The following ECT2L variants were observed in gnomAD, a reference collection of about 807,000 sequenced individuals.
ECT2L encodes the protein epithelial cell-transforming sequence 2 oncogene-like.
ECT2L carries 126 observed loss-of-function variants against 122.8 expected under a neutral mutation model. That is an observed-to-expected ratio of 1.03 (90% CI 0.89 to 1.19). ECT2L has a LOEUF of 1.19. ECT2L is among the 50% of genes most tolerant of loss of function. The pLI is 0.00. For synonymous variants in ECT2L, 385 were observed against 381.8 expected, an observed-to-expected ratio of 1.01 and a Z score of -0.10; for missense variants, 1,012 against 1,064.1, an observed-to-expected ratio of 0.95 and a Z score of 0.68.
At chr6:138,872,024 G>C (rs1778274234) in intron 13 of ECT2L, among the ~76,000 whole-genome samples, 1 of 151,536 alleles carries the variant, frequency 6.6e-6, no homozygotes, top group Non-Finnish European at 1.5e-5. Context: ...CCCCATGCTG[G>C]GGTACAGTGG....
At chr6:138,874,845 T>C (rs1226186329) in intron 13 of ECT2L, among the ~76,000 whole-genome samples, 2 of 152,066 alleles carry the variant, frequency 1.3e-5, no homozygotes, top group African/African-American at 4.8e-5. Context: ...TGTAATCCCA[T>C]CACTTTGGGA....
chr6:138,888,907 T>C, intron 19 of ECT2L, 36 bp from the exon 20 acceptor site: 1 of 1,170,078 alleles, frequency 8.5e-7, no homozygotes, highest in Non-Finnish European at 1.1e-6. Context: ...TTAAAAAAAT[T>C]TATATGTACT....
At chr6:138,858,516 A>C (rs1337806095) in intron 10 of ECT2L, among the ~76,000 whole-genome samples, 1 of 152,122 alleles carries the variant, frequency 6.6e-6, no homozygotes, top group Non-Finnish European at 1.5e-5. Flanking sequence ...CTAAATTCTG[A>C]CATATGTAGG....
At chr6:138,827,546 C>A (rs915466769) in intron 4 of ECT2L, among the ~76,000 whole-genome samples, 1 of 150,740 alleles carries the variant, frequency 6.6e-6, no homozygotes, top group African/African-American at 2.4e-5. Context: ...CCTTTATACC[C>A]TGGGTTATTA....
intron 10 of ECT2L, among the ~76,000 whole-genome samples, chr6:138,861,875 A>G (rs903247082): frequency 1.3e-5 from 2 of 152,224 alleles, no homozygotes; most frequent in Non-Finnish European, 2.9e-5. Context: ...TCTTACAATG[A>G]GACTTCTCCT....
Position 138,885,816 on chromosome 6 carries a change from G to A in ECT2L, c.2245G>A (p.Gly749Ser). 1 of 1,613,824 alleles carries A rather than the reference G, an allele frequency of 6.2e-7. No homozygotes were observed. ...TAIDQIKKYK[G>S]YIDQMKQNIT... ...AATTGACCAAATCAAAAAATATAAA[G>A]GTTATATAGATCAGGTTGGTTGCTG... The change falls in exon 18 of 22, where the codon GGT (glycine) becomes AGT (serine). Residue 749 changes from glycine (G) to serine (S), a missense_variant. Transcript: ENST00000541398.
intron 4 of ECT2L, among the ~76,000 whole-genome samples, chr6:138,834,867 G>C (rs72987065): frequency 6.7e-6 from 1 of 150,068 alleles, no homozygotes; most frequent in Non-Finnish European, 1.5e-5. Flanking sequence ...TACCAGTACA[G>C]GCCCGGCTCC....
At chr6:138,842,580 G>T (rs1474859282) in intron 5 of ECT2L, among the ~76,000 whole-genome samples, 2 of 152,148 alleles carry the variant, frequency 1.3e-5, no homozygotes, top group East Asian at 1.9e-4. Flanking sequence ...GACCATCCTG[G>T]CTAACACGGT....
intron 4 of ECT2L, among the ~76,000 whole-genome samples, chr6:138,832,613 G>A (rs960923222): frequency 1.3e-5 from 2 of 152,092 alleles, no homozygotes. Flanking sequence ...AGGAGAAGGT[G>A]TGCTTCCTTG....
chr6:138,866,149 GTT>G (rs56300933), intron 12 of ECT2L, among the ~76,000 whole-genome samples: 6 of 134,398 alleles, frequency 4.5e-5, no homozygotes, highest in Non-Finnish European at 3.1e-5. Flanking sequence ...ATTTTTCATA[GTT>G]TTTTTTTTTT....
At chr6:138,887,046 A>T in intron 19 of ECT2L, 124 bp downstream of exon 19, 1 of 759,654 alleles carries the variant, frequency 1.3e-6, no homozygotes, top group Non-Finnish European at 2.3e-6. Flanking sequence ...CGTGCCAGGC[A>T]CTGCCATGCT....
intron 1 of ECT2L, among the ~76,000 whole-genome samples, chr6:138,811,470 C>CATT (rs1458565070): frequency 6.6e-6 from 1 of 152,112 alleles, no homozygotes; most frequent in Non-Finnish European, 1.5e-5. Flanking sequence ...CCTTCACCCC[C>CATT]ATTATTATTG....
intron 3 of ECT2L, 88 bp downstream of exon 3, chr6:138,813,428 A>G (rs1322610236): frequency 6.3e-6 from 6 of 956,908 alleles, no homozygotes; most frequent in Non-Finnish European, 9.3e-6. Context: ...CCACATTTTT[A>G]AAGAAAAACT....
chr6:138,865,542 T>A (rs1778005162), intron 12 of ECT2L, among the ~76,000 whole-genome samples: 1 of 152,234 alleles, frequency 6.6e-6, no homozygotes, highest in Non-Finnish European at 1.5e-5. Flanking sequence ...ACCTATTACA[T>A]AAATTGTTCT....
At position 138,887,062 on chromosome 6, in the gene ECT2L, A is replaced by AT. The variant is rs1778849760; in HGVS notation, c.2325+143dup. 4.3e-6 allele frequency: 3 copies of AT among 701,762 alleles called. 1 individual carries two copies. In the Admixed American group the frequency reaches 6.7e-5, roughly 16 times the overall value. The allele number at this position is 701,762 out of a possible 1,614,324, so 43.5% of individuals were successfully genotyped here. ...GTGCCAGGCACTGCCATGCTCTCCC[A>AT]TTTCACATCCTTGTTACCTGCAAGG... On this transcript the variant is annotated intron_variant, in intron 19 of 21. Transcript: ENST00000541398.
At chr6:138,832,779 TTTC>T (rs1477897275) in intron 4 of ECT2L, among the ~76,000 whole-genome samples, 2 of 152,152 alleles carry the variant, frequency 1.3e-5, no homozygotes, top group Non-Finnish European at 2.9e-5. Flanking sequence ...AACTTGCTGA[TTTC>T]TTTTTTCATT....
At chr6:138,809,431 A>G (rs1775817805) in intron 1 of ECT2L, among the ~76,000 whole-genome samples, 1 of 152,132 alleles carries the variant, frequency 6.6e-6, no homozygotes, top group Admixed American at 6.5e-5. Flanking sequence ...AAGCCACTGC[A>G]CTCCAGCCTG....
At chr6:138,879,137 C>T (rs1190493276) in intron 14 of ECT2L, 1 of 217,200 alleles carries the variant, frequency 4.6e-6, no homozygotes, top group Non-Finnish European at 9.4e-6. Flanking sequence ...ATTGATTGGC[C>T]ATCTGACAAA....
intron 1 of ECT2L, among the ~76,000 whole-genome samples, chr6:138,811,522 G>A (rs182461538): frequency 6.6e-6 from 1 of 152,298 alleles, no homozygotes; most frequent in East Asian, 1.9e-4. Flanking sequence ...GTTAAACAAG[G>A]TCATGGGGCT....
Sources: gnomAD v4.1 joint callset for allele counts (sites outside exome capture counted in the v4.1 genomes callset) on GRCh38, gnomAD v4.1.1 for gene constraint, MANE v1.5 for transcripts, NCBI Gene and HGNC (gene_info 2026-07-23, HGNC 2026-07-21) for gene names.